CFAP70: variants seen among roughly 807,000 people sequenced by gnomAD.
CFAP70 encodes the protein cilia- and flagella-associated protein 70.
In CFAP70, 81 loss-of-function variants were observed where a neutral mutation model predicts 137.6. The observed-to-expected ratio is 0.59, with a 90% CI of 0.49 to 0.71. CFAP70 has a LOEUF of 0.71. Among genes scored for constraint, CFAP70 ranks in the 30% least tolerant of loss-of-function variants. The probability of loss-of-function intolerance (pLI) is 0.00; values close to 1 mark genes in which losing one functional copy is unlikely to be tolerated. For synonymous variants in CFAP70, 382 were observed against 423.6 expected (o/e 0.90, Z 1.20); for missense variants, 976 against 1,226.7 (o/e 0.80, Z 3.05).
intron 13 of CFAP70, 28 bp from the exon 15 acceptor site, chr10:73,299,129 C>T (rs569561477): frequency 4.2e-5 from 65 of 1,560,810 alleles, no homozygotes; most frequent in Admixed American, 2.1e-4. Flanking sequence ...ATCTGGTAGA[C>T]GCCTCAGAGA....
chr10:73,255,823 G>C (rs1206738814), intron 26 of CFAP70, among the ~76,000 whole-genome samples: 1 of 152,086 alleles, frequency 6.6e-6, no homozygotes, highest in East Asian at 1.9e-4. Context: ...GGGATTACAG[G>C]CGTGAGCCAC....
intron 11 of CFAP70, 81 bp downstream of exon 12, chr10:73,311,753 A>G (rs542480086): frequency 1.8e-6 from 2 of 1,084,598 alleles, no homozygotes; most frequent in Non-Finnish European, 2.8e-6. Context: ...ATCCTGCCTG[A>G]GCATTTTCCA....
At chr10:73,296,775 T>G in intron 15 of CFAP70, 1 of 249,272 alleles carries the variant, frequency 4.0e-6, no homozygotes, top group Non-Finnish European at 7.6e-6. Flanking sequence ...ATATTTAATC[T>G]ATTTTTGACA....
At chr10:73,270,850 T>G (rs1384309971) in intron 24 of CFAP70, among the ~76,000 whole-genome samples, 1 of 151,688 alleles carries the variant, frequency 6.6e-6, no homozygotes, top group Admixed American at 6.6e-5. Context: ...TTTTTCTGCT[T>G]TAAAATAATT....
At chr10:73,349,832 CA>C (rs2054053380) in intron 3 of CFAP70, among the ~76,000 whole-genome samples, 1 of 152,198 alleles carries the variant, frequency 6.6e-6, no homozygotes, top group African/African-American at 2.4e-5. Flanking sequence ...ATACTTTTAT[CA>C]TATTTGCTTT....
In CFAP70 at chr10:73,258,819, C is replaced by T. The variant is rs550630574; in HGVS notation, c.3028-2403G>A. Among the ~76,000 whole-genome samples, 23 of 152,274 alleles carry T rather than the reference C, an allele frequency of 1.5e-4. No individual in the cohort carries two copies. In the South Asian group the frequency reaches 2.3e-3, roughly 15 times the overall value. On this transcript the variant is annotated intron_variant, in intron 25 of 26. Coordinates refer to ENST00000310715, the Ensembl canonical transcript of CFAP70. ...TGAAAAAAGCCCCGGTTTCCTGTAG[C>T]GCCCCCAGGCTTATTAGGATTAGGA...
intron 5 of CFAP70, 96 bp from the exon 7 acceptor site, chr10:73,341,677 G>A (rs1345484796): frequency 1.9e-6 from 2 of 1,063,518 alleles, no homozygotes; most frequent in Non-Finnish European, 2.8e-6. Context: ...AATGCTGAGT[G>A]TTATCAAACA....
chr10:73,351,075 A>ATATG (rs2054213125), intron 3 of CFAP70, among the ~76,000 whole-genome samples: 1 of 49,076 alleles, frequency 2.0e-5, no homozygotes, highest in Non-Finnish European at 3.1e-5. Flanking sequence ...GTGTGTGTAT[A>ATATG]TATATATATA....
chr10:73,324,085 C>T (rs1360408151), intron 8 of CFAP70, among the ~76,000 whole-genome samples: 1 of 152,184 alleles, frequency 6.6e-6, no homozygotes, highest in Non-Finnish European at 1.5e-5. Flanking sequence ...GAGGCACCCC[C>T]TAGTAGGGGC....
chr10:73,281,829 A>C (rs2047278021), intron 19 of CFAP70, among the ~76,000 whole-genome samples: 2 of 152,178 alleles, frequency 1.3e-5, no homozygotes, highest in Admixed American at 1.3e-4. Context: ...GAACAAAATC[A>C]TGTCTTTTGC....
chr10:73,321,478 A>G (rs1359370804), intron 9 of CFAP70, among the ~76,000 whole-genome samples: 1 of 152,186 alleles, frequency 6.6e-6, no homozygotes, highest in Admixed American at 6.5e-5. Flanking sequence ...CTGATGTAGA[A>G]ACAGTTTACT....
chr10:73,348,573 T>A (rs2053925713), intron 3 of CFAP70, 52 bp from the exon 4 acceptor site: 3 of 1,180,494 alleles, frequency 2.5e-6, no homozygotes, highest in South Asian at 1.6e-5. Flanking sequence ...ATCTATCCGA[T>A]AACCAAGCTG....
At chr10:73,291,929 T>G (rs2048209567) in exon 17 of CFAP70, 1 of 1,614,102 alleles carries the variant, frequency 6.2e-7, no homozygotes, top group Non-Finnish European at 8.5e-7. Context: ...AAAACACTCT[T>G]GTGCTTTGAT....
chr10:73,342,424 T>C (rs1046877658), intron 5 of CFAP70, among the ~76,000 whole-genome samples: 1 of 152,010 alleles, frequency 6.6e-6, no homozygotes, highest in Admixed American at 6.6e-5. Context: ...GCACCTGTAA[T>C]CCCAGCTACG....
chr10:73,334,176 A>G (rs1419748340), intron 7 of CFAP70, among the ~76,000 whole-genome samples: 8 of 152,230 alleles, frequency 5.3e-5, no homozygotes, highest in African/African-American at 7.2e-5. Context: ...GGTCACTGTG[A>G]TGAAGACTGA....
At chr10:73,287,390 T>C (rs1356759870) in intron 19 of CFAP70, among the ~76,000 whole-genome samples, 1 of 152,222 alleles carries the variant, frequency 6.6e-6, no homozygotes, top group Non-Finnish European at 1.5e-5. Context: ...CTGTCACATA[T>C]GTGATTCATC....
exon 16 of CFAP70, chr10:73,293,287 C>T (rs2048307904): frequency 6.2e-7 from 1 of 1,612,038 alleles, no homozygotes; most frequent in East Asian, 2.2e-5. Flanking sequence ...CTGCTGCCAT[C>T]TCAAAGTTCT....
At chr10:73,315,483 T>C (rs1479921967) in intron 9 of CFAP70, among the ~76,000 whole-genome samples, 1 of 152,188 alleles carries the variant, frequency 6.6e-6, no homozygotes, top group African/African-American at 2.4e-5. Flanking sequence ...TAAATACAGG[T>C]TTTCTTTTCT....
At chr10:73,297,014 G>C in intron 15 of CFAP70, 28 bp downstream of exon 16, 2 of 1,604,806 alleles carry the variant, frequency 1.2e-6, no homozygotes, top group Non-Finnish European at 1.7e-6. Context: ...ACAGAGAAAA[G>C]AAAGTGCTCT....
Sources: gnomAD v4.1 joint callset for allele counts (sites outside exome capture counted in the v4.1 genomes callset) on GRCh38, gnomAD v4.1.1 for gene constraint, MANE v1.5 for transcripts, NCBI Gene and HGNC (gene_info 2026-07-23, HGNC 2026-07-21) for gene names.